ST8SIA1: variants seen among roughly 807,000 people sequenced by gnomAD.
The protein encoded by ST8SIA1 is alpha-N-acetylneuraminide alpha-2,8-sialyltransferase.
In ST8SIA1, 16 loss-of-function variants were observed where a neutral mutation model predicts 35.9. That is an observed-to-expected ratio of 0.45 (90% confidence interval 0.30 to 0.68). ST8SIA1 has a LOEUF of 0.68. Ranked by LOEUF, ST8SIA1 falls within the 30% of genes least tolerant of loss-of-function variation. The pLI is 0.09. For missense variants in ST8SIA1, 383 were observed against 453.6 expected, an observed-to-expected ratio of 0.84 and a Z score of 1.41; for synonymous variants, 170 against 169.6, an observed-to-expected ratio of 1.00 and a Z score of -0.02.
chr12:22,219,463 G>C (rs1191784549), intron 4 of ST8SIA1, among the ~76,000 whole-genome samples: 4 of 152,104 alleles, frequency 2.6e-5, no homozygotes, highest in East Asian at 1.9e-4. Context: ...GCCAGGATAG[G>C]GTGGAGGCGA....
intron 1 of ST8SIA1, among the ~76,000 whole-genome samples, chr12:22,288,316 T>C (rs1177521034): frequency 2.6e-5 from 4 of 152,170 alleles, no homozygotes; most frequent in East Asian, 3.8e-4. Flanking sequence ...GAGACTTGAC[T>C]TCAAGTCCTG....
intron 4 of ST8SIA1, among the ~76,000 whole-genome samples, chr12:22,205,429 G>C (rs1349781547): frequency 2.6e-5 from 4 of 152,030 alleles, no homozygotes; most frequent in Non-Finnish European, 5.9e-5. Flanking sequence ...AACAAAAACA[G>C]AGTGGAAAGG....
chr12:22,201,774 A>G lies in ST8SIA1; in HGVS notation c.849T>C (p.Ala283=). ...TGGCCACCTCTTCACAGAGACCCAG[A>G]GCTGCGCTCACCAGAAAAAGTCCTG... is the stretch of plus-strand genomic sequence containing the variant. The part of the protein sequence containing the change: ...LSTGLFLVSA[A]LGLCEEVAIY... The change falls in exon 5 of 5, where the codon GCT becomes GCC. Residue 283 remains alanine (A), a synonymous_variant. Coordinates refer to ENST00000396037, the MANE Select transcript of ST8SIA1 (RefSeq NM_003034.4). 1 of 1,614,148 alleles carries G rather than the reference A, an allele frequency of 6.2e-7. No homozygotes were observed. Among genetic ancestry groups the G allele is most frequent in the Admixed American group, 1.7e-5 (1 of 60,016 alleles).
At chr12:22,218,052 G>A (rs994668236) in intron 4 of ST8SIA1, among the ~76,000 whole-genome samples, 2 of 152,130 alleles carry the variant, frequency 1.3e-5, no homozygotes, top group African/African-American at 2.4e-5. Context: ...AAATAGGCCC[G>A]GTGATTCATG....
At chr12:22,293,200 G>A (rs1866200540) in intron 1 of ST8SIA1, among the ~76,000 whole-genome samples, 1 of 152,212 alleles carries the variant, frequency 6.6e-6, no homozygotes, top group African/African-American at 2.4e-5. Context: ...TGTTAGTCTG[G>A]TTAAAGTAGG....
chr12:22,287,102 C>A, intron 2 of ST8SIA1, 47 bp downstream of exon 2: 2 of 1,547,472 alleles, frequency 1.3e-6, no homozygotes, highest in African/African-American at 1.4e-5. Flanking sequence ...TCTATGACAG[C>A]AAGAAATTTA....
chr12:22,257,378 A>ATT (rs34136511), intron 2 of ST8SIA1, among the ~76,000 whole-genome samples: 37 of 118,586 alleles, frequency 3.1e-4, no homozygotes, highest in African/African-American at 8.4e-4. Context: ...TGCCCAGCTA[A>ATT]TTTTTTTTTT....
At chr12:22,254,072 G>A (rs943847026) in intron 3 of ST8SIA1, among the ~76,000 whole-genome samples, 1 of 152,010 alleles carries the variant, frequency 6.6e-6, no homozygotes, top group African/African-American at 2.4e-5. Context: ...TCAGCTTTCT[G>A]TCCTTGATGT....
chr12:22,261,819 AGC>A (rs1865795416), intron 2 of ST8SIA1, among the ~76,000 whole-genome samples: 1 of 152,150 alleles, frequency 6.6e-6, no homozygotes, highest in Non-Finnish European at 1.5e-5. Context: ...CTTCTCAAAC[AGC>A]CCTAATACCT....
chr12:22,224,816 T>C lies in ST8SIA1; in HGVS notation c.585-22778A>G, dbSNP rs200203528. Among the ~76,000 whole-genome samples, 3 of 152,326 alleles carry C rather than the reference T, an allele frequency of 2.0e-5. No individual in the cohort carries two copies. In the South Asian group the frequency reaches 6.2e-4, roughly 32 times the overall value. On this transcript the variant is annotated intron_variant, in intron 4 of 4. Coordinates refer to ENST00000396037, the MANE Select transcript of ST8SIA1 (RefSeq NM_003034.4). ...ATCTTTCTCTTGGGTCAAATCCTTGTACTGATCCCCAGAAAGTTCACACCC... is the reference window on the plus strand; with the variant it reads ...ATCTTTCTCTTGGGTCAAATCCTTGCACTGATCCCCAGAAAGTTCACACCC...
At chr12:22,324,435 A>G (rs1201186358) in intron 1 of ST8SIA1, 1 of 152,224 alleles carries the variant, frequency 6.6e-6, no homozygotes, top group Non-Finnish European at 1.5e-5. Context: ...AATATCCAAT[A>G]ACAGTATATT....
In ST8SIA1 at chr12:22,334,346, T is replaced by G; in HGVS notation, c.-114A>C. The G allele has an allele frequency of 1.9e-5, 15 of 769,992 alleles. No individual in the cohort carries two copies. Among genetic ancestry groups the G allele is most frequent in the Non-Finnish European group, 3.1e-5 (15 of 485,844 alleles). The allele number at this position is 769,992 out of a possible 1,614,324, so 47.7% of individuals were successfully genotyped here. The stretch of plus-strand genomic sequence containing the variant: ...CCATGCACACACACCTTTGGTTCTC[T>G]TACTTGCAAACGCACGCACGCTTCT... On this transcript the variant is annotated 5_prime_UTR_variant, in exon 1 of 5. Transcript: ENST00000396037.
chr12:22,275,760 T>C (rs575352027), intron 2 of ST8SIA1, among the ~76,000 whole-genome samples: 3 of 152,330 alleles, frequency 2.0e-5, no homozygotes, highest in African/African-American at 7.2e-5. Flanking sequence ...TGGGCTCCTG[T>C]AGAGCTGCAT....
At chr12:22,259,697 A>G (rs1865766628) in intron 2 of ST8SIA1, among the ~76,000 whole-genome samples, 1 of 151,770 alleles carries the variant, frequency 6.6e-6, no homozygotes. Flanking sequence ...CGATCTCCTG[A>G]CCTTGTGATC....
At chr12:22,320,922 A>AAAGG (rs1393219760) in intron 1 of ST8SIA1, among the ~76,000 whole-genome samples, 1 of 69,134 alleles carries the variant, frequency 1.4e-5, no homozygotes, top group African/African-American at 5.9e-5. Flanking sequence ...GAAAGGAAAG[A>AAAGG]AAGGAAGAAA....
intron 2 of ST8SIA1, among the ~76,000 whole-genome samples, chr12:22,276,817 A>G (rs1255146160): frequency 1.3e-5 from 2 of 152,072 alleles, no homozygotes; most frequent in African/African-American, 4.8e-5. Flanking sequence ...AGAGAAAAAG[A>G]GATGCTGTTG....
chr12:22,332,943 C>T (rs1474578747), intron 1 of ST8SIA1, among the ~76,000 whole-genome samples: 1 of 152,030 alleles, frequency 6.6e-6, no homozygotes, highest in African/African-American at 2.4e-5. Context: ...AAGAAGCCAA[C>T]AGCAGCATCT....
intron 1 of ST8SIA1, chr12:22,325,517 T>C: frequency 2.9e-6 from 2 of 701,470 alleles, no homozygotes; most frequent in Non-Finnish European, 5.2e-6. Context: ...CTCATTATCA[T>C]TATCCAAAAC....
At chr12:22,286,927 G>A (rs1326759963) in intron 2 of ST8SIA1, among the ~76,000 whole-genome samples, 1 of 152,142 alleles carries the variant, frequency 6.6e-6, no homozygotes, top group African/African-American at 2.4e-5. Flanking sequence ...AAATCAGAAA[G>A]GCTAGGAAAA....
Sources: gnomAD v4.1 joint callset for allele counts (sites outside exome capture counted in the v4.1 genomes callset) on GRCh38, gnomAD v4.1.1 for gene constraint, MANE v1.5 for transcripts, NCBI Gene and HGNC (gene_info 2026-07-23, HGNC 2026-07-21) for gene names.